KCNK9: variants seen among roughly 807,000 people sequenced by gnomAD.
The protein encoded by KCNK9 is potassium two pore domain channel subfamily K member 9.
In KCNK9, 1 loss-of-function variant was observed where a neutral mutation model predicts 10.8. The observed-to-expected ratio is 0.09, with a 90% confidence interval of 0.03 to 0.44. The LOEUF is 0.44. Among genes scored for constraint, KCNK9 ranks in the 20% least tolerant of loss-of-function variants. KCNK9 has a pLI of 0.97. For synonymous variants in KCNK9, 231 were observed against 222.7 expected (o/e 1.04, Z -0.33); for missense variants, 303 against 515.0 (o/e 0.59, Z 3.98).
intron 2 of KCNK9, among the ~76,000 whole-genome samples, chr8:139,605,676 A>G (rs1817470457): frequency 6.6e-6 from 1 of 152,238 alleles, no homozygotes; most frequent in Non-Finnish European, 1.5e-5. Context: ...AGAAAAATGC[A>G]TTATTGTACA....
At chr8:139,669,953 C>T (rs1345678477) in intron 1 of KCNK9, among the ~76,000 whole-genome samples, 1 of 152,222 alleles carries the variant, frequency 6.6e-6, no homozygotes, top group Non-Finnish European at 1.5e-5. Context: ...TCTCTTTGTA[C>T]ATCTCCATCA....
In KCNK9 at chr8:139,652,660, G is replaced by A. The variant is rs74434717; in HGVS notation, c.284-33561C>T. 1.4e-4 allele frequency among the ~76,000 whole-genome samples: 22 copies of A among 152,324 alleles called. No individual in the cohort carries two copies. The East Asian group carries it at 3.9e-3, about 27-fold the overall frequency. ...TTATTTGTTCTGCCTTCCGAATGGGGGAAATACGGACCTTAAAGGCCTTTC... is the reference window on the plus strand; with the variant it reads ...TTATTTGTTCTGCCTTCCGAATGGGAGAAATACGGACCTTAAAGGCCTTTC... On this transcript the variant is annotated intron_variant, in intron 1 of 1. Coordinates refer to ENST00000520439, the MANE Select transcript of KCNK9 (RefSeq NM_001282534.2).
At chr8:139,641,126 T>C (rs184040614) in intron 1 of KCNK9, among the ~76,000 whole-genome samples, 2,075 of 152,310 alleles carry the variant, frequency 0.014, 52 homozygotes, top group African/African-American at 0.048. Context: ...TCCCTGAGGC[T>C]CTGACCAGGG....
intron 1 of KCNK9, among the ~76,000 whole-genome samples, chr8:139,679,987 C>A (rs1816650748): frequency 6.6e-6 from 1 of 152,188 alleles, no homozygotes; most frequent in Non-Finnish European, 1.5e-5. Flanking sequence ...GGTGAGTGTA[C>A]TCTGTGTACC....
chr8:139,615,928 A>AGGGCCT (rs1261552333), downstream of KCNK9: 1 of 152,132 alleles, frequency 6.6e-6, no homozygotes, highest in East Asian at 1.9e-4. Flanking sequence ...ATTTGCTCCA[A>AGGGCCT]GGGCCTGCTG....
chr8:139,678,287 G>C (rs1816609308), intron 1 of KCNK9, among the ~76,000 whole-genome samples: 2 of 152,212 alleles, frequency 1.3e-5, no homozygotes. Flanking sequence ...TTCCTGACAT[G>C]TACACCTTGC....
intron 1 of KCNK9, among the ~76,000 whole-genome samples, chr8:139,685,164 T>C (rs1022705104): frequency 1.3e-5 from 2 of 152,166 alleles, no homozygotes; most frequent in East Asian, 1.9e-4. Context: ...AAATTAATCA[T>C]TGCACTACAA....
At chr8:139,644,715 T>TC (rs10577985) in intron 1 of KCNK9, among the ~76,000 whole-genome samples, 34,573 of 129,660 alleles carry the variant, frequency 0.27, 5,666 homozygotes, top group Middle Eastern at 0.31. Flanking sequence ...TCCTGCCCTG[T>TC]CCCCCCCCCC....
intron 1 of KCNK9, among the ~76,000 whole-genome samples, chr8:139,651,015 T>C (rs745575246): frequency 2.4e-4 from 37 of 152,130 alleles, no homozygotes; most frequent in Admixed American, 8.5e-4. Flanking sequence ...AGAAGAGTAC[T>C]GGGCTGCAGG....
At chr8:139,658,240 G>A (rs1229371568) in intron 1 of KCNK9, among the ~76,000 whole-genome samples, 1 of 152,176 alleles carries the variant, frequency 6.6e-6, no homozygotes, top group Non-Finnish European at 1.5e-5. Flanking sequence ...CTGAAGGGCT[G>A]AGAGGAGCCC....
intron 1 of KCNK9, among the ~76,000 whole-genome samples, chr8:139,699,448 C>A (rs1245378524): frequency 6.6e-6 from 1 of 152,194 alleles, no homozygotes; most frequent in Non-Finnish European, 1.5e-5. Context: ...TCAGACTGAA[C>A]CCCTAATCAA....
chr8:139,605,009 C>G (rs189390211), intron 2 of KCNK9, among the ~76,000 whole-genome samples: 1 of 152,230 alleles, frequency 6.6e-6, no homozygotes, highest in African/African-American at 2.4e-5. Context: ...ACTAAGGGCA[C>G]GACCCAGAAA....
At chr8:139,700,059 T>G (rs1015837135) in intron 1 of KCNK9, among the ~76,000 whole-genome samples, 2 of 152,228 alleles carry the variant, frequency 1.3e-5, no homozygotes, top group Admixed American at 6.5e-5. Flanking sequence ...TAGGAGCATC[T>G]TAATTTGCAT....
chr8:139,663,616 GT>G (rs1563741441), intron 1 of KCNK9, among the ~76,000 whole-genome samples: 2 of 150,524 alleles, frequency 1.3e-5, no homozygotes, highest in Admixed American at 6.6e-5. Context: ...AGGCATTCAC[GT>G]TTTCCCCCCA....
chr8:139,601,347 A>G (rs1252478065), exon 3 of KCNK9: 1 of 152,206 alleles, frequency 6.6e-6, no homozygotes, highest in African/African-American at 2.4e-5. Context: ...CTCTCTTTGG[A>G]TGAATGAGTC....
intron 2 of KCNK9, among the ~76,000 whole-genome samples, chr8:139,602,894 T>G (rs1817404634): frequency 6.6e-6 from 1 of 152,222 alleles, no homozygotes; most frequent in Non-Finnish European, 1.5e-5. Context: ...AAACCTCACA[T>G]TCTTTACATG....
At chr8:139,678,945 G>C (rs902974327) in intron 1 of KCNK9, among the ~76,000 whole-genome samples, 17 of 152,270 alleles carry the variant, frequency 1.1e-4, no homozygotes, top group African/African-American at 4.1e-4. Flanking sequence ...CAGCTGTGCA[G>C]AGGCTTGGGC....
At chr8:139,679,887 A>G (rs1816647046) in intron 1 of KCNK9, among the ~76,000 whole-genome samples, 1 of 152,092 alleles carries the variant, frequency 6.6e-6, no homozygotes, top group Admixed American at 6.5e-5. Context: ...CCTGCAGCCC[A>G]TGCTTCCCTC....
chr8:139,659,678 ATTT>A (rs543890522), intron 1 of KCNK9, among the ~76,000 whole-genome samples: 17 of 133,018 alleles, frequency 1.3e-4, no homozygotes, highest in African/African-American at 3.1e-4. Context: ...TGCCCAGCTA[ATTT>A]TTTTTTTTTT....
Sources: allele counts gnomAD v4.1 joint callset (sites outside exome capture counted in the v4.1 genomes callset), GRCh38; gene constraint gnomAD v4.1.1; transcripts MANE v1.5; gene names NCBI Gene and HGNC (gene_info 2026-07-23, HGNC 2026-07-21).